Variants in SIPA1L1 observed in about 807,000 individuals in gnomAD.
SIPA1L1 encodes the protein signal induced proliferation associated 1 like 1.
In SIPA1L1, 26 loss-of-function variants were observed where a neutral mutation model predicts 162.7. That is an observed-to-expected ratio of 0.16 (90% confidence interval 0.12 to 0.22). The LOEUF is 0.22. Ranked by LOEUF, SIPA1L1 falls within the 10% of genes least tolerant of loss-of-function variation. The pLI is 1.00. For synonymous variants in SIPA1L1, 829 were observed against 837.4 expected (o/e 0.99, Z 0.17); for missense variants, 1,874 against 2,241.0 (o/e 0.84, Z 3.31).
In SIPA1L1 at chr14:71,740,719, CT is replaced by C. The variant is rs2152890918; in HGVS notation, c.*1559del. On this transcript the variant is annotated 3_prime_UTR_variant, in exon 24 of 24. Coordinates refer to ENST00000381232, the MANE Select transcript of SIPA1L1 (RefSeq NM_001386936.1). Reference sequence around the variant, plus strand: ...GATTTCTCCATGGAATTTTTTTTTTCTGGTGACATTTCTATCATGGAAATAG... The same window carrying C: ...GATTTCTCCATGGAATTTTTTTTTTCGGTGACATTTCTATCATGGAAATAG... 6.6e-6 allele frequency: 1 copy of C among 151,110 alleles called. No homozygotes were observed. Among genetic ancestry groups the C allele is most frequent in the African/African-American group, 2.4e-5 (1 of 41,222 alleles). 9.4% of individuals were successfully genotyped at this position (151,110 alleles called of 1,614,324 possible).
chr14:71,472,653 A>G (rs1337249921), intron 2 of SIPA1L1, among the ~76,000 whole-genome samples: 2 of 151,902 alleles, frequency 1.3e-5, no homozygotes, highest in Non-Finnish European at 2.9e-5. Flanking sequence ...TAATGAATGT[A>G]TAACATGTTC....
chr14:71,734,871 T>A (rs543200573), intron 21 of SIPA1L1, among the ~76,000 whole-genome samples: 12 of 152,310 alleles, frequency 7.9e-5, no homozygotes, highest in Admixed American at 6.5e-5. Context: ...CCAACCAGAG[T>A]GTCCAGGAAT....
chr14:71,619,546 A>AT lies in SIPA1L1; in HGVS notation c.1629+669dup, dbSNP rs934080602. ...GAAAAATAAAAAGAACCCACACAGCATTTTTTTTTTAAAACACCTATGAAC... is the reference window on the plus strand; with the variant it reads ...GAAAAATAAAAAGAACCCACACAGCATTTTTTTTTTTAAAACACCTATGAAC... On this transcript the variant is annotated intron_variant, in intron 6 of 23. Transcript: ENST00000381232. 3.2e-4 allele frequency among the ~76,000 whole-genome samples: 48 copies of AT among 149,838 alleles called. No homozygotes were observed. The East Asian group carries it at 3.5e-3, about 11-fold the overall frequency.
At chr14:71,584,243 G>A (rs1420616836) in intron 4 of SIPA1L1, among the ~76,000 whole-genome samples, 1 of 152,128 alleles carries the variant, frequency 6.6e-6, no homozygotes, top group Non-Finnish European at 1.5e-5. Context: ...TGGAGGATGG[G>A]TTCAGGAGTA....
At chr14:71,707,368 T>C (rs1818493732) in intron 16 of SIPA1L1, among the ~76,000 whole-genome samples, 1 of 152,216 alleles carries the variant, frequency 6.6e-6, no homozygotes. Flanking sequence ...TATTTACCCA[T>C]TTAAAATATA....
At chr14:71,599,510 A>G (rs1038690494) in intron 5 of SIPA1L1, among the ~76,000 whole-genome samples, 6 of 148,138 alleles carry the variant, frequency 4.1e-5, no homozygotes, top group Admixed American at 1.3e-4. Context: ...TTGTGTATAC[A>G]TACCACATTT....
intron 2 of SIPA1L1, among the ~76,000 whole-genome samples, chr14:71,407,638 C>A (rs953314789): frequency 6.6e-6 from 1 of 152,128 alleles, no homozygotes; most frequent in Admixed American, 6.5e-5. Context: ...TCCCAAGTAG[C>A]TGGGACTACA....
intron 15 of SIPA1L1, 90 bp from the exon 16 acceptor site, chr14:71,705,132 G>A (rs559709427): frequency 3.3e-6 from 3 of 902,824 alleles, no homozygotes; most frequent in African/African-American, 3.3e-5. Flanking sequence ...TCAGTGAACT[G>A]AAAGATGCAA....
intron 2 of SIPA1L1, among the ~76,000 whole-genome samples, chr14:71,365,558 C>A (rs1240950596): frequency 1.3e-5 from 2 of 152,058 alleles, no homozygotes; most frequent in East Asian, 1.9e-4. Context: ...TCTCTCTATC[C>A]CAGTGGAGCA....
intron 2 of SIPA1L1, among the ~76,000 whole-genome samples, chr14:71,373,237 G>C (rs1296505501): frequency 6.6e-6 from 1 of 151,720 alleles, no homozygotes; most frequent in Non-Finnish European, 1.5e-5. Context: ...CTTGAACCCG[G>C]GAGGTGGAGG....
chr14:71,587,650 T>G lies in SIPA1L1; in HGVS notation c.-223T>G, dbSNP rs2034783946. ...GTTTTTTCTGAAAGAAAGCCCTCTGTTAAAGTGAAGCAAAGAAACTGTTGT... is the reference window on the plus strand; with the variant it reads ...GTTTTTTCTGAAAGAAAGCCCTCTGGTAAAGTGAAGCAAAGAAACTGTTGT... On this transcript the variant is annotated 5_prime_UTR_variant, in exon 5 of 24. Transcript: ENST00000381232. 4.1e-6 allele frequency: 2 copies of G among 484,144 alleles called. No homozygotes were observed. Among genetic ancestry groups the G allele is most frequent in the Non-Finnish European group, 3.6e-6 (1 of 276,672 alleles). The allele number at this position is 484,144 out of a possible 1,614,324, so 30.0% of individuals were successfully genotyped here.
At chr14:71,704,871 A>G in intron 15 of SIPA1L1, 1 of 838,366 alleles carries the variant, frequency 1.2e-6, no homozygotes, top group Non-Finnish European at 2.0e-6. Context: ...GGTTAGCCAC[A>G]CTTGGCAATG....
intron 2 of SIPA1L1, among the ~76,000 whole-genome samples, chr14:71,445,395 A>G (rs2045262865): frequency 6.6e-6 from 1 of 152,014 alleles, no homozygotes; most frequent in African/African-American, 2.4e-5. Flanking sequence ...TACACTGATC[A>G]CTGTTTCTTT....
intron 2 of SIPA1L1, among the ~76,000 whole-genome samples, chr14:71,426,817 A>T (rs539847346): frequency 6.6e-6 from 1 of 152,234 alleles, no homozygotes; most frequent in African/African-American, 2.4e-5. Context: ...TTAACTACAT[A>T]AACTCTCTTC....
At chr14:71,346,196 G>A (rs958707945) in intron 2 of SIPA1L1, among the ~76,000 whole-genome samples, 23 of 152,084 alleles carry the variant, frequency 1.5e-4, no homozygotes, top group South Asian at 2.1e-4. Context: ...GTGAGCCACC[G>A]CACCCAGTCA....
chr14:71,554,593 T>G (rs2056180130), intron 4 of SIPA1L1, among the ~76,000 whole-genome samples: 1 of 152,212 alleles, frequency 6.6e-6, no homozygotes, highest in Non-Finnish European at 1.5e-5. Flanking sequence ...TTGTTGTTGT[T>G]GTTGTTAACT....
intron 6 of SIPA1L1, among the ~76,000 whole-genome samples, chr14:71,621,290 C>T (rs985749115): frequency 7.9e-5 from 12 of 152,140 alleles, no homozygotes; most frequent in African/African-American, 2.9e-4. Context: ...TTCCTCATCT[C>T]CCTCTGAGAA....
chr14:71,463,233 C>A (rs1472681131), intron 2 of SIPA1L1, among the ~76,000 whole-genome samples: 9 of 152,176 alleles, frequency 5.9e-5, no homozygotes, highest in African/African-American at 1.4e-4. Context: ...TTTGGACTTT[C>A]CCTCCATAAT....
chr14:71,627,131 C>CTTTTTTTTTTTTTTTTTTTTTTTT lies in SIPA1L1; in HGVS notation c.1818+2915_1818+2938dup, dbSNP rs71105788. The stretch of plus-strand genomic sequence containing the variant: ...TGATGCCTTTCTGGGACTTTCACTA[C>CTTTTTTTTTTTTTTTTTTTTTTTT]TTTTTTTTTTTTTTTTTTTTTTTTT... On this transcript the variant is annotated intron_variant, in intron 7 of 23. Coordinates refer to ENST00000381232, the MANE Select transcript of SIPA1L1 (RefSeq NM_001386936.1). Among the ~76,000 whole-genome samples, 3 of 48,788 alleles carry CTTTTTTTTTTTTTTTTTTTTTTTT rather than the reference C, an allele frequency of 6.1e-5. 1 individual carries two copies. The highest frequency in any genetic ancestry group is 8.2e-5 in the African/African-American group (1 of 12,126). The allele number at this position is 48,788 out of a possible 152,430, so 32.0% of individuals were successfully genotyped here.
Sources: gnomAD v4.1 joint callset for allele counts (sites outside exome capture counted in the v4.1 genomes callset) on GRCh38, gnomAD v4.1.1 for gene constraint, MANE v1.5 for transcripts, NCBI Gene and HGNC (gene_info 2026-07-23, HGNC 2026-07-21) for gene names.